The following TRIP11 variants were observed in gnomAD, a reference collection of about 807,000 sequenced individuals.
The protein encoded by TRIP11 is thyroid hormone receptor interactor 11, also known as thyroid receptor-interacting protein 11.
In TRIP11, 148 loss-of-function variants were observed where a neutral mutation model predicts 223.1. The observed-to-expected ratio is 0.66, with a 90% confidence interval of 0.58 to 0.76. The LOEUF is 0.76. Among genes scored for constraint, TRIP11 ranks in the 30% least tolerant of loss-of-function variants. TRIP11 has a pLI of 0.00. For synonymous variants in TRIP11, 762 were observed against 772.6 expected, an observed-to-expected ratio of 0.99 and a Z score of 0.23; for missense variants, 2,043 against 2,222.0, an observed-to-expected ratio of 0.92 and a Z score of 1.62.
chr14:92,012,843 T>C (rs1481275007), intron 7 of TRIP11, among the ~76,000 whole-genome samples: 1 of 152,130 alleles, frequency 6.6e-6, no homozygotes, highest in Non-Finnish European at 1.5e-5. Context: ...TTAAACATCA[T>C]CCCGAAGTTC....
At position 91,969,910 on chromosome 14, in the gene TRIP11, G is replaced by A; in HGVS notation, c.5720-17C>T. On this transcript the variant is annotated splice_polypyrimidine_tract_variant and intron_variant, in intron 20 of 20. Coordinates refer to ENST00000267622, the MANE Select transcript of TRIP11 (RefSeq NM_004239.4). ...CTGCTGTATCTAAAGAATAAAATAT[G>A]GATTTAGTCTCCTATCTTTCACAAA... The A allele has an allele frequency of 6.2e-7, 1 of 1,606,334 alleles. No individual in the cohort carries two copies. The highest frequency in any genetic ancestry group is 8.5e-7 in the Non-Finnish European group (1 of 1,174,790).
At chr14:92,006,502 A>G (rs1176983682) in intron 10 of TRIP11, 54 bp from the exon 11 acceptor site, 2 of 1,578,782 alleles carry the variant, frequency 1.3e-6, no homozygotes, top group South Asian at 2.3e-5. Context: ...TTTAGTACTC[A>G]AAGAAAATTT....
chr14:91,972,979 A>T, intron 19 of TRIP11, 118 bp from the exon 20 acceptor site: 8 of 868,140 alleles, frequency 9.2e-6, no homozygotes, highest in African/African-American at 3.6e-5. Flanking sequence ...CACTTGAATA[A>T]TTTTTTTTTA....
At position 91,966,028 on chromosome 14, in the gene TRIP11, T is replaced by C. The variant is rs1264892514; in HGVS notation, c.*3645A>G. 4 of 168,308 alleles carry C rather than the reference T, an allele frequency of 2.4e-5. No homozygotes were observed. The highest frequency in any genetic ancestry group is 1.1e-4 in the East Asian group (1 of 8,756). The allele number at this position is 168,308 out of a possible 1,614,324, so 10.4% of individuals were successfully genotyped here. Reference sequence around the variant, plus strand: ...ATTTTTTTTATTGTGACTGAAGACATTGCCAACTTACATATATCATTTTTA... The same window carrying C: ...ATTTTTTTTATTGTGACTGAAGACACTGCCAACTTACATATATCATTTTTA... On this transcript the variant is annotated 3_prime_UTR_variant, in exon 21 of 21. Transcript: ENST00000267622.
At chr14:92,008,267 ACATCCAGTC>A (rs2086028140) in intron 9 of TRIP11, among the ~76,000 whole-genome samples, 1 of 152,190 alleles carries the variant, frequency 6.6e-6, no homozygotes, top group Non-Finnish European at 1.5e-5. Context: ...CCATTCTCTA[ACATCCAGTC>A]ATCAACAGCC....
intron 5 of TRIP11, 23 bp downstream of exon 5, chr14:92,017,659 C>T: frequency 4.4e-6 from 7 of 1,576,968 alleles, no homozygotes; most frequent in Non-Finnish European, 4.4e-6. Flanking sequence ...TAACTCCCAT[C>T]ATCAATCAAC....
chr14:92,005,773 C>T lies in TRIP11; in HGVS notation c.2203G>A (p.Glu735Lys), dbSNP rs1445894895. The change falls in exon 11 of 21, where the codon GAA becomes AAA. Residue 735 changes from glutamate (E) to lysine (K), a missense_variant. Physicochemically the swap from Glu to Lys is moderately conservative, Grantham distance 56 (BLOSUM62 1). Transcript: ENST00000267622. ...LCWAKKRLLEEANKYEKTIEE... is the reference protein window; with the variant it reads ...LCWAKKRLLEKANKYEKTIEE... The stretch of plus-strand genomic sequence containing the variant: ...ATGGTTTTCTCATACTTGTTTGCTT[C>T]TTCCAACAGCCTCTTTTTAGCCCAA... The T allele has an allele frequency of 6.2e-7, 1 of 1,614,052 alleles. No homozygotes were observed. Among genetic ancestry groups the T allele is most frequent in the South Asian group, 1.1e-5 (1 of 91,082 alleles).
chr14:92,013,043 C>CA (rs2056991648), intron 7 of TRIP11, among the ~76,000 whole-genome samples: 1 of 152,074 alleles, frequency 6.6e-6, no homozygotes, highest in Non-Finnish European at 1.5e-5. Flanking sequence ...CCAAGGTGGG[C>CA]AGATCATGAG....
At chr14:92,035,718 T>C (rs1230584716) in intron 1 of TRIP11, among the ~76,000 whole-genome samples, 1 of 151,772 alleles carries the variant, frequency 6.6e-6, no homozygotes, top group Non-Finnish European at 1.5e-5. Flanking sequence ...GCTGGGACTA[T>C]AGGCCTGCGC....
Position 91,981,010 on chromosome 14 carries a change from ATATTT to A in TRIP11, c.5261-4826_5261-4822del, listed in dbSNP as rs1266635120. Among the ~76,000 whole-genome samples, 525 of 55,542 alleles carry A rather than the reference ATATTT, an allele frequency of 9.5e-3. 2 individuals carry two copies. The highest frequency in any genetic ancestry group is 0.061 in the South Asian group (92 of 1,500). The allele number at this position is 55,542 out of a possible 152,430, so 36.4% of individuals were successfully genotyped here. A position where few individuals can be genotyped will look rare whatever the true frequency, so the allele number is the denominator to read the frequency against. ...GTATATTATATATATATATATATAT[ATATTT>A]TTTTTTTTTTTTTTTTTTTTTGAGA... On this transcript the variant is annotated intron_variant, in intron 16 of 20. Transcript: ENST00000267622.
rs553249131 is a variant in TRIP11 at position 92,004,381 on chromosome 14, C to T, written c.3595G>A (p.Val1199Ile). ...AGCTCCTCAAATTGATTACTATTAA[C>T]ACCTCCAGCCTCATTACCAGTGCTG... ...TSSTGNEAGG[V>I]NSNQFEELLQ... is the part of the protein sequence containing the mutation. Residue 1199 changes from valine to isoleucine, a missense_variant, in exon 11 of 21, where the codon GTT (valine) becomes ATT (isoleucine). By Grantham distance (29) the Val-to-Ile change is conservative (BLOSUM62 3). Transcript: ENST00000267622. The T allele has an allele frequency of 1.2e-6, 2 of 1,614,064 alleles. No individual in the cohort carries two copies. The highest frequency in any genetic ancestry group is 4.5e-5 in the East Asian group (2 of 44,882).
rs935087947 is a variant in TRIP11, at chr14:92,029,299, T to A, written c.202-3879A>T. On this transcript the variant is annotated intron_variant, in intron 2 of 20. Coordinates refer to ENST00000267622, the MANE Select transcript of TRIP11 (RefSeq NM_004239.4). ...AGTATTATTTTTTTTTTTTTTTTTT[T>A]TTTTTTTTTTTTTTGAGATGGAGTC... Among the ~76,000 whole-genome samples the A allele has an allele frequency of 5.9e-3, 781 of 132,204 alleles. 6 individuals carry two copies. The highest frequency in any genetic ancestry group is 0.021 in the South Asian group (83 of 3,880). 86.7% of individuals were successfully genotyped at this position (132,204 alleles called of 152,430 possible). A position where few individuals can be genotyped will look rare whatever the true frequency, so the allele number is the denominator to read the frequency against.
At chr14:92,020,213 C>T (rs1468626798) in intron 4 of TRIP11, among the ~76,000 whole-genome samples, 1 of 151,650 alleles carries the variant, frequency 6.6e-6, no homozygotes, top group East Asian at 1.9e-4. Flanking sequence ...GATGGTGCCA[C>T]TGCACTCCAG....
chr14:92,007,488 C>A (rs1264241121), intron 10 of TRIP11, 152 bp downstream of exon 10: 1 of 821,220 alleles, frequency 1.2e-6, no homozygotes, highest in African/African-American at 1.7e-5. Context: ...ACAATATGGC[C>A]TACAAGGCCA....
Position 92,005,933 on chromosome 14 carries a change from C to G in TRIP11, c.2043G>C (p.Lys681Asn). ...VAFDVKMENE[K>N]LVLACEDVRH... The stretch of plus-strand genomic sequence containing the variant: ...TCACATCTTCACATGCTAAAACTAA[C>G]TTTTCATTTTCCATTTTGACATCAA... The change falls in exon 11 of 21, where the codon AAG (lysine) becomes AAC (asparagine). Residue 681 changes from lysine to asparagine, a missense_variant. By Grantham distance (94) the Lys-to-Asn change is moderately conservative. Transcript: ENST00000267622. 1.2e-6 allele frequency: 2 copies of G among 1,613,536 alleles called. No homozygotes were observed.
At chr14:91,985,144 A>T (rs953817950) in intron 16 of TRIP11, among the ~76,000 whole-genome samples, 1 of 152,112 alleles carries the variant, frequency 6.6e-6, no homozygotes, top group African/African-American at 2.4e-5. Context: ...CCTTAATGGG[A>T]TTCTGGAGGA....
At chr14:92,020,483 A>G (rs554971569) in intron 4 of TRIP11, among the ~76,000 whole-genome samples, 17 of 152,226 alleles carry the variant, frequency 1.1e-4, no homozygotes, top group African/African-American at 3.1e-4. Flanking sequence ...ATCAATTACC[A>G]GATTTTCATT....
intron 15 of TRIP11, 122 bp downstream of exon 15, chr14:91,993,687 C>T: frequency 2.5e-6 from 2 of 793,288 alleles, no homozygotes; most frequent in Non-Finnish European, 2.1e-6. Flanking sequence ...CAGCAGAGGG[C>T]TGGATTCAGG....
At chr14:92,026,834 G>C in intron 2 of TRIP11, 2 of 1,432,720 alleles carry the variant, frequency 1.4e-6, no homozygotes, top group African/African-American at 1.4e-5. Context: ...AGCTGAAGAT[G>C]ATGAGGATGA....
Sources: gnomAD v4.1 joint callset for allele counts (sites outside exome capture counted in the v4.1 genomes callset) on GRCh38, gnomAD v4.1.1 for gene constraint, MANE v1.5 for transcripts, NCBI Gene and HGNC (gene_info 2026-07-23, HGNC 2026-07-21) for gene names.